The following SPIRE2 variants were observed in gnomAD, a reference collection of about 807,000 sequenced individuals.
The protein encoded by SPIRE2 is protein spire homolog 2.
SPIRE2 carries 76 observed loss-of-function variants against 80.7 expected under a neutral mutation model. The ratio of observed to expected loss-of-function variants is 0.94; its 90% CI spans 0.78 to 1.14. The LOEUF is 1.14. Among genes scored for constraint, SPIRE2 ranks in the 50% most tolerant of loss-of-function variants. The pLI is 0.00. For missense variants in SPIRE2, 1,196 were observed against 1,015.3 expected (o/e 1.18, Z -2.42); for synonymous variants, 535 against 432.6 (o/e 1.24, Z -2.94).
At position 89,868,391 on chromosome 16, in the gene SPIRE2, G is replaced by C. The variant is rs78546748; in HGVS notation, c.1806+175G>C. 7.2e-5 allele frequency among the ~76,000 whole-genome samples: 11 copies of C among 152,268 alleles called. No individual in the cohort carries two copies. The East Asian group carries it at 2.1e-3, about 29-fold the overall frequency. On this transcript the variant is annotated intron_variant, in intron 13 of 14. Transcript: ENST00000378247. ...GTGCAGTTTTTAAAGACCCTTACAG[G>C]TTTTTGTTTTTAAACATTGCACGTT...
In SPIRE2 at chr16:89,870,272, A is replaced by G; in HGVS notation, c.2145A>G (p.Ter715TrpextTer22). 2.5e-6 allele frequency: 4 copies of G among 1,587,546 alleles called. No individual in the cohort carries two copies. The highest frequency in any genetic ancestry group is 3.4e-6 in the Non-Finnish European group (4 of 1,166,844). Residue 715 changes from the stop codon to tryptophan (W), a stop_lost, in exon 15 of 15, where the codon TGA (stop) becomes TGG (tryptophan). Coordinates refer to ENST00000378247, the MANE Select transcript of SPIRE2 (RefSeq NM_032451.2). ...ACACCAGGACTCTTGACTTCAAGTG[A>G]CAGCCCCAGGTGGCCAGGCCTCCAG... ...IPNTRTLDFK[*>W]
At chr16:89,842,503 G>T (rs1341125768) in intron 1 of SPIRE2, among the ~76,000 whole-genome samples, 2 of 152,136 alleles carry the variant, frequency 1.3e-5, no homozygotes, top group African/African-American at 4.8e-5. Context: ...GTGAGCCACC[G>T]TGCCCGGCCG....
At chr16:89,869,877 G>T (rs12925993) in intron 14 of SPIRE2, among the ~76,000 whole-genome samples, 173 bp from the exon 15 acceptor site, 6 of 152,046 alleles carry the variant, frequency 3.9e-5, no homozygotes, top group Admixed American at 1.3e-4. Flanking sequence ...GACTTGGGTG[G>T]TCAGGGAACA....
At chr16:89,843,164 C>T (rs934680953) in intron 1 of SPIRE2, among the ~76,000 whole-genome samples, 6 of 152,172 alleles carry the variant, frequency 3.9e-5, no homozygotes, top group Non-Finnish European at 8.8e-5. Flanking sequence ...ATCTTGGGAA[C>T]CCCGGGGGAG....
chr16:89,857,356 G>A lies in SPIRE2; in HGVS notation c.1103-982G>A, dbSNP rs183542972. On this transcript the variant is annotated intron_variant, in intron 7 of 14. Coordinates refer to ENST00000378247, the MANE Select transcript of SPIRE2 (RefSeq NM_032451.2). ...TCACTCTGTTGCCCAGGCTGGTGTT[G>A]AACTCGTGGGCTCAAGTGATCCTTC... Among the ~76,000 whole-genome samples the A allele has an allele frequency of 1.5e-3, 234 of 151,620 alleles. 1 individual carries two copies. Among genetic ancestry groups the A allele is most frequent in the Non-Finnish European group, 2.8e-3 (191 of 67,872 alleles).
chr16:89,863,679 T>A lies in SPIRE2; in HGVS notation c.1710+69T>A, dbSNP rs62056090. On this transcript the variant is annotated intron_variant, in intron 11 of 14. Coordinates refer to ENST00000378247, the MANE Select transcript of SPIRE2 (RefSeq NM_032451.2). The surrounding 1 kb of genome is among the most constrained non-coding windows in gnomAD (Gnocchi z 4.3). The stretch of plus-strand genomic sequence containing the variant: ...CAGGGGCGGGTGCCGAGAGGGCCAG[T>A]TCCCAGGACTGTTTGCTCATGATCT... 142,491 of 1,612,254 alleles carry A rather than the reference T, an allele frequency of 0.088. 7,615 individuals are homozygous for A. Among genetic ancestry groups the A allele is most frequent in the African/African-American group, 0.19 (13,909 of 74,962 alleles).
chr16:89,865,260 C>T (rs890968313), intron 12 of SPIRE2, among the ~76,000 whole-genome samples: 2 of 152,154 alleles, frequency 1.3e-5, no homozygotes, highest in African/African-American at 4.8e-5. Context: ...CCCACCTCTG[C>T]CTCCCAAAGT....
At chr16:89,838,707 C>T (rs62056065) in intron 1 of SPIRE2, among the ~76,000 whole-genome samples, 1 of 152,124 alleles carries the variant, frequency 6.6e-6, no homozygotes, top group African/African-American at 2.4e-5. Flanking sequence ...TCCACATGCT[C>T]CAAATCAAAG....
chr16:89,870,353 T>C lies in SPIRE2; in HGVS notation c.*81T>C. ...GGACGCTCTGAGCTGTGCATGTACA[T>C]ATATACATATATAGATACATTTATA... is the stretch of plus-strand genomic sequence containing the variant. On this transcript the variant is annotated 3_prime_UTR_variant, in exon 15 of 15. Coordinates refer to ENST00000378247, the MANE Select transcript of SPIRE2 (RefSeq NM_032451.2). 3 of 718,730 alleles carry C rather than the reference T, an allele frequency of 4.2e-6. No homozygotes were observed. The highest frequency in any genetic ancestry group is 7.1e-6 in the Non-Finnish European group (3 of 422,202). 44.5% of individuals were successfully genotyped at this position (718,730 alleles called of 1,614,324 possible). A position where few individuals can be genotyped will look rare whatever the true frequency, so the allele number is the denominator to read the frequency against.
Position 89,858,253 on chromosome 16 carries a change from C to T in SPIRE2, c.1103-85C>T, listed in dbSNP as rs943367434. The T allele has an allele frequency of 8.1e-6, 11 of 1,358,034 alleles. No individual in the cohort carries two copies. The African/African-American group carries it at 1.6e-4, about 20-fold the overall frequency. 84.1% of individuals were successfully genotyped at this position (1,358,034 alleles called of 1,614,324 possible). On this transcript the variant is annotated intron_variant, in intron 7 of 14. Transcript: ENST00000378247. The stretch of plus-strand genomic sequence containing the variant: ...CCTTCTGCAAAGTCAGGGAATTAAG[C>T]CAGCTGGTGCACACAAAGCTGTCAG...
intron 2 of SPIRE2, chr16:89,845,891 C>T (rs1263511074): frequency 1.9e-6 from 1 of 520,298 alleles, no homozygotes; most frequent in East Asian, 3.3e-5. Flanking sequence ...TGCTTTTGTT[C>T]ATTTTATTTT....
At chr16:89,857,881 C>CTTTTTT (rs774655599) in intron 7 of SPIRE2, among the ~76,000 whole-genome samples, 1 of 107,198 alleles carries the variant, frequency 9.3e-6, no homozygotes. Context: ...AGTTCTTCTT[C>CTTTTTT]TTTTTTTTTT....
intron 2 of SPIRE2, chr16:89,846,312 C>G (rs9746953): frequency 0.57 from 85,594 of 151,324 alleles, 24,541 homozygotes; most frequent in East Asian, 0.75. Context: ...CAGTTCTGAG[C>G]CACTGTGCCT....
chr16:89,840,459 C>A (rs746797121), intron 1 of SPIRE2, among the ~76,000 whole-genome samples: 3 of 150,400 alleles, frequency 2.0e-5, no homozygotes, highest in Non-Finnish European at 4.4e-5. Flanking sequence ...CCGTGTTAGC[C>A]AGGATGGTTT....
intron 2 of SPIRE2, among the ~76,000 whole-genome samples, chr16:89,848,627 G>A (rs1189831129): frequency 6.6e-6 from 1 of 151,274 alleles, no homozygotes; most frequent in East Asian, 2.0e-4. Flanking sequence ...CGTTTCTGCA[G>A]GACAGATGAG....
chr16:89,851,467 G>A (rs2041627142), intron 3 of SPIRE2, among the ~76,000 whole-genome samples: 1 of 152,192 alleles, frequency 6.6e-6, no homozygotes, highest in African/African-American at 2.4e-5. Context: ...TACAGGTGGA[G>A]GGGTCACTTG....
At chr16:89,855,850 C>A in intron 6 of SPIRE2, 164 bp downstream of exon 6, 2 of 901,028 alleles carry the variant, frequency 2.2e-6, no homozygotes, top group Non-Finnish European at 3.3e-6. Flanking sequence ...TGCCTGTGTG[C>A]CAGCCCGGGG....
At chr16:89,829,138 G>A (rs968060392) in intron 1 of SPIRE2, among the ~76,000 whole-genome samples, 1 of 152,226 alleles carries the variant, frequency 6.6e-6, no homozygotes, top group Non-Finnish European at 1.5e-5. Flanking sequence ...CACGGAGCTG[G>A]CCTTTGCTGG....
chr16:89,836,515 C>T (rs2041451209), intron 1 of SPIRE2: 1 of 278,638 alleles, frequency 3.6e-6, no homozygotes, highest in Admixed American at 4.2e-5. Flanking sequence ...TAGGACGGTT[C>T]CCCTAAATAC....
Sources: gnomAD v4.1 joint callset for allele counts (sites outside exome capture counted in the v4.1 genomes callset) on GRCh38, gnomAD v4.1.1 for gene constraint, Gnocchi (gnomAD v3.1) non-coding constraint, MANE v1.5 for transcripts, NCBI Gene and HGNC (gene_info 2026-07-23, HGNC 2026-07-21) for gene names.